OR2AJ1: variants seen among roughly 807,000 people sequenced by gnomAD.
OR2AJ1 encodes the protein olfactory receptor family 2 subfamily AJ member 1, also known as olfactory receptor 2AJ1.
For missense variants in OR2AJ1, 280 were observed against 163.2 expected, an observed-to-expected ratio of 1.72 and a Z score of -3.90; for synonymous variants, 105 against 60.3, an observed-to-expected ratio of 1.74 and a Z score of -3.44.
At chr1:247,933,071 G>A (rs1423040948) in intron 1 of OR2AJ1, among the ~76,000 whole-genome samples, 3 of 152,108 alleles carry the variant, frequency 2.0e-5, no homozygotes, top group Non-Finnish European at 4.4e-5. Context: ...ATTTTGGAAA[G>A]TCTTAGAATT....
chr1:247,926,082 T>G (rs1283336420), intron 1 of OR2AJ1, among the ~76,000 whole-genome samples: 1 of 152,170 alleles, frequency 6.6e-6, no homozygotes, highest in East Asian at 1.9e-4. Context: ...TTTCACATAT[T>G]TATTCAATAA....
intron 1 of OR2AJ1, among the ~76,000 whole-genome samples, chr1:247,932,497 GTT>G (rs1392975147): frequency 6.6e-6 from 1 of 152,156 alleles, no homozygotes; most frequent in Non-Finnish European, 1.5e-5. Context: ...TAAGTGATCT[GTT>G]TATGAAGAAT....
chr1:247,927,917 T>G (rs1660111114), intron 1 of OR2AJ1, among the ~76,000 whole-genome samples: 3 of 152,220 alleles, frequency 2.0e-5, no homozygotes, highest in Non-Finnish European at 4.4e-5. Context: ...TCTTTAACTA[T>G]TCATTGGTTG....
intron 1 of OR2AJ1, among the ~76,000 whole-genome samples, chr1:247,926,077 C>T (rs1572608854): frequency 6.6e-6 from 1 of 152,128 alleles, no homozygotes; most frequent in Non-Finnish European, 1.5e-5. Flanking sequence ...TTGATTTTCA[C>T]ATATTTATTC....
intron 1 of OR2AJ1, among the ~76,000 whole-genome samples, chr1:247,928,614 C>T (rs1446021543): frequency 6.6e-6 from 1 of 152,136 alleles, no homozygotes; most frequent in African/African-American, 2.4e-5. Context: ...AAACAAGCAT[C>T]ATTTTTAATT....
At position 247,928,746 on chromosome 1, in the gene OR2AJ1, A is replaced by T. The variant is rs578068366; in HGVS notation, c.-23+3578A>T. 4.6e-5 allele frequency among the ~76,000 whole-genome samples: 7 copies of T among 152,260 alleles called. No individual in the cohort carries two copies. In the East Asian group the frequency reaches 1.2e-3, roughly 25 times the overall value. ...CCTTAATCCCTTGAGTTTTGTCCCTATGAAATGGTTACAGGAACATTTCAG... is the reference window on the plus strand; with the variant it reads ...CCTTAATCCCTTGAGTTTTGTCCCTTTGAAATGGTTACAGGAACATTTCAG... On this transcript the variant is annotated intron_variant, in intron 1 of 1. Transcript: ENST00000318244.
chr1:247,926,123 TA>T (rs1408871416), intron 1 of OR2AJ1, among the ~76,000 whole-genome samples: 1 of 152,182 alleles, frequency 6.6e-6, no homozygotes, highest in Non-Finnish European at 1.5e-5. Flanking sequence ...TTTATTTAGA[TA>T]AATGAAACAC....
chr1:247,930,677 A>T (rs1054779847), intron 1 of OR2AJ1, among the ~76,000 whole-genome samples: 1 of 152,166 alleles, frequency 6.6e-6, no homozygotes, highest in African/African-American at 2.4e-5. Flanking sequence ...TAAATAATTT[A>T]AGGAGCCTAA....
chr1:247,931,767 G>T (rs1040423477), intron 1 of OR2AJ1, among the ~76,000 whole-genome samples: 11 of 152,132 alleles, frequency 7.2e-5, no homozygotes, highest in African/African-American at 2.7e-4. Context: ...GACCTAAAAT[G>T]GGCCAGAAGT....
chr1:247,934,107 TCTC>T lies in OR2AJ1; in HGVS notation c.342_344del (p.Leu115del). On this transcript the variant is annotated inframe_deletion, in exon 2 of 2. Coordinates refer to ENST00000318244, the MANE Select transcript of OR2AJ1 (RefSeq NM_001355235.2). ...TCACCCTCCTGGGTGGTGAGTGCCT[TCTC>T]CTGGCTGCAATGTCCTGTGATCGCT... The T allele has an allele frequency of 1.4e-6, 1 of 718,592 alleles. No homozygotes were observed. The highest frequency in any genetic ancestry group is 2.6e-6 in the Non-Finnish European group (1 of 385,546). 44.5% of individuals were successfully genotyped at this position (718,592 alleles called of 1,614,324 possible).
Position 247,927,497 on chromosome 1 carries a change from G to GGTGTGTGTGTGTGT in OR2AJ1, c.-23+2338_-23+2351dup, listed in dbSNP as rs55762045. ...TATTAATCACCTTAAACATTTAGGG[G>GGTGTGTGTGTGTGT]GTGTGTGTGTGTGTGTGTGTGTTGG... is the stretch of plus-strand genomic sequence containing the variant. On this transcript the variant is annotated intron_variant, in intron 1 of 1. Coordinates refer to ENST00000318244, the MANE Select transcript of OR2AJ1 (RefSeq NM_001355235.2). 1.8e-4 allele frequency among the ~76,000 whole-genome samples: 27 copies of GGTGTGTGTGTGTGT among 148,440 alleles called. No individual in the cohort carries two copies. The East Asian group carries it at 4.9e-3, about 27-fold the overall frequency.
intron 1 of OR2AJ1, among the ~76,000 whole-genome samples, chr1:247,931,214 T>C (rs1660149667): frequency 6.6e-6 from 1 of 152,188 alleles, no homozygotes; most frequent in African/African-American, 2.4e-5. Flanking sequence ...CATTTAATAT[T>C]ATTAACAAGG....
chr1:247,930,594 A>T (rs187191821), intron 1 of OR2AJ1, among the ~76,000 whole-genome samples: 1 of 152,244 alleles, frequency 6.6e-6, no homozygotes, highest in Non-Finnish European at 1.5e-5. Flanking sequence ...GAATAAACAT[A>T]TGAACTCTGA....
intron 1 of OR2AJ1, among the ~76,000 whole-genome samples, chr1:247,925,600 A>ATT (rs200728442): frequency 2.0e-5 from 3 of 152,074 alleles, no homozygotes; most frequent in African/African-American, 7.2e-5. Flanking sequence ...AATTTTATGA[A>ATT]TTTTTTTTAA....
intron 1 of OR2AJ1, 118 bp from the exon 2 acceptor site, chr1:247,933,629 G>C: frequency 2.1e-6 from 1 of 475,582 alleles, no homozygotes; most frequent in Non-Finnish European, 3.7e-6. Flanking sequence ...AGAGTATTTT[G>C]ATGTTGATTA....
chr1:247,929,438 C>G (rs1660128124), intron 1 of OR2AJ1, among the ~76,000 whole-genome samples: 1 of 151,994 alleles, frequency 6.6e-6, no homozygotes, highest in African/African-American at 2.4e-5. Flanking sequence ...ATCTCATTTT[C>G]TCCCTCCCCT....
At position 247,934,786 on chromosome 1, in the gene OR2AJ1, T is replaced by C. The variant is rs1343646337; in HGVS notation, c.*31T>C. 2 of 636,702 alleles carry C rather than the reference T, an allele frequency of 3.1e-6. No individual in the cohort carries two copies. The highest frequency in any genetic ancestry group is 2.7e-5 in the East Asian group (1 of 36,852). 39.4% of individuals were successfully genotyped at this position (636,702 alleles called of 1,614,324 possible). A position where few individuals can be genotyped will look rare whatever the true frequency, so the allele number is the denominator to read the frequency against. On this transcript the variant is annotated 3_prime_UTR_variant, in exon 2 of 2. Transcript: ENST00000318244. Reference sequence around the variant, plus strand: ...TGAAGGATACTCATGAGAGGTTTCCTAGAAAGAAATCAAAGCTTCTATCTT... The same window carrying C: ...TGAAGGATACTCATGAGAGGTTTCCCAGAAAGAAATCAAAGCTTCTATCTT...
Position 247,933,979 on chromosome 1 carries a change from A to G in OR2AJ1, c.211A>G (p.Ile71Val), listed in dbSNP as rs1336707508. The G allele has an allele frequency of 1.4e-6, 1 of 717,624 alleles. No homozygotes were observed. The highest frequency in any genetic ancestry group is 2.6e-6 in the Non-Finnish European group (1 of 385,110). 44.5% of individuals were successfully genotyped at this position (717,624 alleles called of 1,614,324 possible). Residue 71 changes from isoleucine (I) to valine (V), a missense_variant, in exon 2 of 2, where the codon ATC becomes GTC. Transcript: ENST00000318244. ...FLLSHLSLMD[I>V]LHVSNIVPKM... is the part of the protein sequence containing the mutation. Reference sequence around the variant, plus strand: ...GCTCAGCCATCTCTCCTTAATGGATATCTTGCATGTTTCCAACATCGTTCC... The same window carrying G: ...GCTCAGCCATCTCTCCTTAATGGATGTCTTGCATGTTTCCAACATCGTTCC...
Sources: allele counts gnomAD v4.1 joint callset (sites outside exome capture counted in the v4.1 genomes callset), GRCh38; gene constraint gnomAD v4.1.1; transcripts MANE v1.5; gene names NCBI Gene and HGNC (gene_info 2026-07-23, HGNC 2026-07-21).